The following MEX3C variants were observed in gnomAD, a reference collection of about 807,000 sequenced individuals.
MEX3C encodes the protein RNA-binding E3 ubiquitin-protein ligase MEX3C.
MEX3C carries 15 observed loss-of-function variants against 35.5 expected under a neutral mutation model. That is an observed-to-expected ratio of 0.42 (90% confidence interval 0.28 to 0.65). MEX3C has a LOEUF of 0.65. Ranked by LOEUF, MEX3C falls within the 30% of genes least tolerant of loss-of-function variation. The pLI is 0.20. For missense variants in MEX3C, 711 were observed against 842.8 expected (o/e 0.84, Z 1.94); for synonymous variants, 390 against 352.8 (o/e 1.11, Z -1.18).
rs4939657 is a variant in MEX3C, at chr18:51,188,993, A to T, written c.754+7574T>A. Among the ~76,000 whole-genome samples, 213 of 152,056 alleles carry T rather than the reference A, an allele frequency of 1.4e-3. 2 individuals are homozygous for T. The highest frequency in any genetic ancestry group is 0.012 in the Admixed American group (188 of 15,284). ...CCACTTACTGAGATAGGCACGTTGA[A>T]GTCTCAAACAATAATGGCTTGAGAC... On this transcript the variant is annotated intron_variant, in intron 1 of 1. Coordinates refer to ENST00000406189, the MANE Select transcript of MEX3C (RefSeq NM_016626.5).
intron 1 of MEX3C, chr18:51,193,641 AGTT>A (rs1912706842): frequency 6.6e-6 from 1 of 152,218 alleles, no homozygotes; most frequent in Non-Finnish European, 1.5e-5. Context: ...AAGCCTCTTC[AGTT>A]CCTGGCTTTA....
At chr18:51,193,401 GTA>G (rs1912700297) in intron 1 of MEX3C, 1 of 152,072 alleles carries the variant, frequency 6.6e-6, no homozygotes, top group South Asian at 2.1e-4. Context: ...TTAAGAATGG[GTA>G]TACAGTTCTA....
In MEX3C at chr18:51,177,708, G is replaced by C. The variant is rs1003240583; in HGVS notation, c.755-132C>G. 16 of 1,045,716 alleles carry C rather than the reference G, an allele frequency of 1.5e-5. No individual in the cohort carries two copies. Among genetic ancestry groups the C allele is most frequent in the Non-Finnish European group, 2.1e-5 (16 of 748,418 alleles). The allele number at this position is 1,045,716 out of a possible 1,614,324, so 64.8% of individuals were successfully genotyped here. The stretch of plus-strand genomic sequence containing the variant: ...AGTTTTAGAGTTTTTCACATAGCTA[G>C]GAAGTGGCAGAGCCAGAAGTAAACC... On this transcript the variant is annotated intron_variant, in intron 1 of 1. Transcript: ENST00000406189. The surrounding 1 kb of genome is among the most constrained non-coding windows in gnomAD (Gnocchi z 4.2).
chr18:51,183,276 T>A (rs961387094), intron 1 of MEX3C, among the ~76,000 whole-genome samples: 2 of 152,224 alleles, frequency 1.3e-5, no homozygotes, highest in Admixed American at 6.5e-5. Flanking sequence ...TTTTTGTTTT[T>A]AAACCACGGT....
chr18:51,175,639 G>A lies in MEX3C; in HGVS notation c.*712C>T, dbSNP rs986187109. ...CCCTTCCTGATATGGGAAAACCCAG[G>A]TGGCCATTTCCACATTCACCAAGAG... On this transcript the variant is annotated 3_prime_UTR_variant, in exon 2 of 2. Coordinates refer to ENST00000406189, the MANE Select transcript of MEX3C (RefSeq NM_016626.5). The A allele has an allele frequency of 1.3e-5, 2 of 152,544 alleles. No individual in the cohort carries two copies. The highest frequency in any genetic ancestry group is 2.9e-5 in the Non-Finnish European group (2 of 68,024). 9.4% of individuals were successfully genotyped at this position (152,544 alleles called of 1,614,324 possible).
At position 51,174,800 on chromosome 18, in the gene MEX3C, C is replaced by T. The variant is rs1912262213; in HGVS notation, c.*1551G>A. ...ATACTAAACTATATTGATAATTTATCATTCTTAGTTTGTGGTTTTTAGAAA... is the reference window on the plus strand; with the variant it reads ...ATACTAAACTATATTGATAATTTATTATTCTTAGTTTGTGGTTTTTAGAAA... On this transcript the variant is annotated 3_prime_UTR_variant, in exon 2 of 2. Transcript: ENST00000406189. 1 of 152,498 alleles carries T rather than the reference C, an allele frequency of 6.6e-6. No homozygotes were observed. The highest frequency in any genetic ancestry group is 2.4e-5 in the African/African-American group (1 of 41,406). 9.4% of individuals were successfully genotyped at this position (152,498 alleles called of 1,614,324 possible). A position where few individuals can be genotyped will look rare whatever the true frequency, so the allele number is the denominator to read the frequency against.
In MEX3C at chr18:51,197,259, G is replaced by A; in HGVS notation, c.62C>T (p.Pro21Leu). 1.1e-6 allele frequency: 1 copy of A among 932,282 alleles called. No individual in the cohort carries two copies. The highest frequency in any genetic ancestry group is 1.3e-6 in the Non-Finnish European group (1 of 784,006). The allele number at this position is 932,282 out of a possible 1,614,324, so 57.8% of individuals were successfully genotyped here. Residue 21 changes from proline to leucine, a missense_variant, in exon 1 of 2, where the codon CCG becomes CTG. Physicochemically the swap from Pro to Leu is moderately conservative, Grantham distance 98 (BLOSUM62 -3). Around this residue, in one of 4 missense-constraint regions of MEX3C, gnomAD observed 354 missense variants for 311.6 expected, o/e 1.14. Transcript: ENST00000406189. ...LAAAPAPLPQ[P>L]PPPPPPPPPP... ...CGGTGGCGGCGGCGGCGGCGGGGGCGGCTGCGGCAGGGGGGCCGGGGCCGC... is the reference window on the plus strand; with the variant it reads ...CGGTGGCGGCGGCGGCGGCGGGGGCAGCTGCGGCAGGGGGGCCGGGGCCGC...
At chr18:51,178,690 T>A (rs1339533300) in intron 1 of MEX3C, among the ~76,000 whole-genome samples, 1 of 151,790 alleles carries the variant, frequency 6.6e-6, no homozygotes, top group Non-Finnish European at 1.5e-5. Flanking sequence ...TGAAACCCCG[T>A]CTTTACTAAA....
intron 1 of MEX3C, 49 bp downstream of exon 1, chr18:51,196,518 C>T (rs772245643): frequency 3.4e-5 from 52 of 1,524,768 alleles, no homozygotes; most frequent in African/African-American, 5.6e-5. Context: ...CGTCTCCCCA[C>T]CCACGCCCGG....
intron 1 of MEX3C, among the ~76,000 whole-genome samples, chr18:51,189,934 A>AT (rs1227721173): frequency 6.6e-6 from 1 of 152,226 alleles, no homozygotes; most frequent in African/African-American, 2.4e-5. Flanking sequence ...ACTTACTAAA[A>AT]TGACATTTTT....
chr18:51,177,401 A>G lies in MEX3C; in HGVS notation c.930T>C (p.Asn310=), dbSNP rs1351373375. 6.2e-7 allele frequency: 1 copy of G among 1,613,842 alleles called. No homozygotes were observed. The highest frequency in any genetic ancestry group is 2.2e-5 in the East Asian group (1 of 44,890). Residue 310 remains asparagine (N), a synonymous_variant, in exon 2 of 2, where the codon AAT becomes AAC. Coordinates refer to ENST00000406189, the MANE Select transcript of MEX3C (RefSeq NM_016626.5). This position sits in a 1 kb window ranked among gnomAD's most constrained non-coding sequence, Gnocchi z 4.2. ...ATGATAATCCTCCCAGGGCAGGCCCATTTTTGTTTCGAGATGCACGAATCA... is the reference window on the plus strand; with the variant it reads ...ATGATAATCCTCCCAGGGCAGGCCCGTTTTTGTTTCGAGATGCACGAATCA... ...FSMIRASRNK[N]GPALGGLSCS...
chr18:51,184,984 C>T (rs1452522152), intron 1 of MEX3C, among the ~76,000 whole-genome samples: 1 of 152,134 alleles, frequency 6.6e-6, no homozygotes, highest in East Asian at 1.9e-4. Flanking sequence ...CCTTTAATTC[C>T]CTATTACCTG....
chr18:51,178,445 G>GT (rs1251290725), intron 1 of MEX3C, among the ~76,000 whole-genome samples: 1 of 150,854 alleles, frequency 6.6e-6, no homozygotes, highest in Non-Finnish European at 1.5e-5. Flanking sequence ...GCTTCAAACT[G>GT]TAACTTAAAA....
In MEX3C at chr18:51,175,729, T is replaced by C. The variant is rs1328600580; in HGVS notation, c.*622A>G. 6.6e-6 allele frequency: 1 copy of C among 152,626 alleles called. No individual in the cohort carries two copies. Among genetic ancestry groups the C allele is most frequent in the African/African-American group, 2.4e-5 (1 of 41,450 alleles). 9.5% of individuals were successfully genotyped at this position (152,626 alleles called of 1,614,324 possible). A position where few individuals can be genotyped will look rare whatever the true frequency, so the allele number is the denominator to read the frequency against. Reference sequence around the variant, plus strand: ...CTGATCATACCAGCCTTGAGCACTCTGGGCGAGATGAAAGTTGATGTAGCA... The same window carrying C: ...CTGATCATACCAGCCTTGAGCACTCCGGGCGAGATGAAAGTTGATGTAGCA... On this transcript the variant is annotated 3_prime_UTR_variant, in exon 2 of 2. Transcript: ENST00000406189.
rs911487827 is a variant in MEX3C at position 51,177,598 on chromosome 18, A to G, written c.755-22T>C. On this transcript the variant is annotated intron_variant, in intron 1 of 1. Transcript: ENST00000406189. This position sits in a 1 kb window ranked among gnomAD's most constrained non-coding sequence, Gnocchi z 4.2. The stretch of plus-strand genomic sequence containing the variant: ...CAACCTGTTAGAAAGAAAACATTTC[A>G]TAAGAATCAACATCTACTTCAATGA... 9 of 1,559,698 alleles carry G rather than the reference A, an allele frequency of 5.8e-6. No individual in the cohort carries two copies. The highest frequency in any genetic ancestry group is 7.8e-6 in the Non-Finnish European group (9 of 1,158,020).
chr18:51,196,492 C>T lies in MEX3C; in HGVS notation c.754+75G>A, dbSNP rs905981069. The T allele has an allele frequency of 3.3e-6, 5 of 1,505,302 alleles. No individual in the cohort carries two copies. In the Admixed American group the frequency reaches 8.5e-5, roughly 26 times the overall value. 93.2% of individuals were successfully genotyped at this position (1,505,302 alleles called of 1,614,324 possible). ...CCTCGCCGGGTTCGCCTTTTCCGTC[C>T]CACGCTCCTTTCTCTCGTCTCCCCA... On this transcript the variant is annotated intron_variant, in intron 1 of 1. Transcript: ENST00000406189.
chr18:51,196,901 C>T lies in MEX3C; in HGVS notation c.420G>A (p.Ser140=). Residue 140 remains serine, a synonymous_variant, in exon 1 of 2, where the codon TCG becomes TCA. Coordinates refer to ENST00000406189, the MANE Select transcript of MEX3C (RefSeq NM_016626.5). ...LEEAEEEDRS[S]LLLLSPPAAT... is the part of the protein sequence containing the mutation. ...CCGCGGGCGGCGACAGCAGCAGCAG[C>T]GACGACCGGTCCTCCTCCTCTGCTT... 2 of 1,542,204 alleles carry T rather than the reference C, an allele frequency of 1.3e-6. No homozygotes were observed. Among genetic ancestry groups the T allele is most frequent in the Non-Finnish European group, 1.7e-6 (2 of 1,145,940 alleles).
intron 1 of MEX3C, chr18:51,194,365 G>C (rs535996095): frequency 7.2e-5 from 11 of 152,282 alleles, no homozygotes; most frequent in African/African-American, 2.6e-4. Flanking sequence ...CCAGCAATTT[G>C]TCTCCATGAT....
intron 1 of MEX3C, chr18:51,194,003 G>T (rs762262356): frequency 6.6e-6 from 1 of 152,162 alleles, no homozygotes; most frequent in Non-Finnish European, 1.5e-5. Flanking sequence ...TGGCAGAAAT[G>T]GATAATTTAA....
Sources: gnomAD v4.1 joint callset for allele counts (sites outside exome capture counted in the v4.1 genomes callset) on GRCh38, gnomAD v4.1.1 for gene constraint, gnomAD v4.1.1 regional missense constraint, Gnocchi (gnomAD v3.1) non-coding constraint, MANE v1.5 for transcripts, NCBI Gene and HGNC (gene_info 2026-07-23, HGNC 2026-07-21) for gene names.